HEATR5A: variants seen among roughly 807,000 people sequenced by gnomAD.
HEATR5A encodes the protein HEAT repeat-containing protein 5A.
A neutral mutation model predicts 218.8 loss-of-function variants in HEATR5A; 178 were observed. The observed-to-expected ratio is 0.81, with a 90% confidence interval of 0.72 to 0.92. HEATR5A has a LOEUF of 0.92. HEATR5A is among the 40% of genes least tolerant of loss of function. The probability of loss-of-function intolerance (pLI) is 0.00; values close to 1 mark genes in which losing one functional copy is unlikely to be tolerated. For missense variants in HEATR5A, 2,420 were observed against 2,418.9 expected (o/e 1.00, Z -0.01); for synonymous variants, 864 against 871.6 (o/e 0.99, Z 0.15).
intron 13 of HEATR5A, among the ~76,000 whole-genome samples, chr14:31,368,157 G>T (rs542406472): frequency 6.6e-6 from 1 of 152,044 alleles, no homozygotes; most frequent in Non-Finnish European, 1.5e-5. Context: ...AGGGCTTCAC[G>T]GAGGGAGTTT....
chr14:31,316,733 C>A (rs986692164), intron 26 of HEATR5A, among the ~76,000 whole-genome samples: 3 of 152,200 alleles, frequency 2.0e-5, no homozygotes, highest in African/African-American at 7.2e-5. Context: ...TGCTCTGTAG[C>A]CCAGGCTGGA....
intron 1 of HEATR5A, among the ~76,000 whole-genome samples, chr14:31,404,290 A>G (rs538355527): frequency 4.6e-5 from 7 of 152,352 alleles, no homozygotes; most frequent in Non-Finnish European, 1.0e-4. Context: ...ATAAAATGCT[A>G]TGGCTAATTT....
intron 14 of HEATR5A, among the ~76,000 whole-genome samples, chr14:31,363,008 G>T (rs1235122462): frequency 1.3e-5 from 2 of 151,852 alleles, no homozygotes; most frequent in Non-Finnish European, 2.9e-5. Flanking sequence ...AGGCTGAGGA[G>T]GATGGATCAT....
At chr14:31,320,915 T>C (rs1566752972) in intron 25 of HEATR5A, among the ~76,000 whole-genome samples, 2 of 152,130 alleles carry the variant, frequency 1.3e-5, no homozygotes. Context: ...TTGCTTTTAC[T>C]TGAAGCTTTA....
intron 13 of HEATR5A, among the ~76,000 whole-genome samples, chr14:31,371,119 C>T (rs1248049829): frequency 6.6e-6 from 1 of 151,638 alleles, no homozygotes; most frequent in African/African-American, 2.4e-5. Context: ...CATTCATTCA[C>T]CTATTATCCG....
chr14:31,309,660 C>T (rs756443431), intron 28 of HEATR5A, among the ~76,000 whole-genome samples: 2 of 152,066 alleles, frequency 1.3e-5, no homozygotes, highest in Admixed American at 6.6e-5. Flanking sequence ...AATACCAATA[C>T]CCATTTACCG....
At chr14:31,392,957 C>A (rs2030508400) in intron 6 of HEATR5A, among the ~76,000 whole-genome samples, 1 of 152,144 alleles carries the variant, frequency 6.6e-6, no homozygotes, top group South Asian at 2.1e-4. Context: ...TACTGCTCCA[C>A]CCTGGGTGGC....
chr14:31,313,171 T>C lies in HEATR5A; in HGVS notation c.4238A>G (p.Gln1413Arg), dbSNP rs1899810953. 2 of 1,613,192 alleles carry C rather than the reference T, an allele frequency of 1.2e-6. No homozygotes were observed. Among genetic ancestry groups the C allele is most frequent in the East Asian group, 2.2e-5 (1 of 44,872 alleles). The change falls in exon 28 of 36, where the codon CAA becomes CGA. Residue 1413 changes from glutamine (Q) to arginine (R), a missense_variant. Gln to Arg is a conservative substitution (Grantham distance 43). Transcript: ENST00000543095. ...AGGTTGTCTGTGGTTTTTATGTCTT[T>C]GCACAGCAATTATGTAGACCTGTTA... ...AWAEVYIIAV[Q>R]RHKNHRQPLK...
chr14:31,318,686 C>T (rs951024301), intron 25 of HEATR5A, among the ~76,000 whole-genome samples: 1 of 152,150 alleles, frequency 6.6e-6, no homozygotes, highest in African/African-American at 2.4e-5. Context: ...GACAGGGTTT[C>T]ACTATGTTGG....
At chr14:31,363,449 T>G (rs938496265) in intron 14 of HEATR5A, among the ~76,000 whole-genome samples, 2 of 152,134 alleles carry the variant, frequency 1.3e-5, no homozygotes, top group African/African-American at 4.8e-5. Context: ...CTATGATTGT[T>G]AAGTCTCTAA....
At chr14:31,396,387 T>G (rs189726700) in intron 4 of HEATR5A, among the ~76,000 whole-genome samples, 1 of 151,432 alleles carries the variant, frequency 6.6e-6, no homozygotes, top group Non-Finnish European at 1.5e-5. Flanking sequence ...GAGGGTGCAG[T>G]GAGTACAGAC....
At chr14:31,294,185 T>C in intron 34 of HEATR5A, 81 bp from the exon 35 acceptor site, 3 of 873,448 alleles carry the variant, frequency 3.4e-6, no homozygotes, top group Non-Finnish European at 3.5e-6. Flanking sequence ...CTTTTTAAAG[T>C]AGTGAAGGTA....
chr14:31,377,985 A>G (rs1902292878), intron 11 of HEATR5A, among the ~76,000 whole-genome samples: 1 of 152,208 alleles, frequency 6.6e-6, no homozygotes, highest in Non-Finnish European at 1.5e-5. Context: ...CTCCAACACA[A>G]TTAGCTTGTT....
intron 22 of HEATR5A, among the ~76,000 whole-genome samples, chr14:31,336,077 T>G (rs1444630266): frequency 2.0e-5 from 3 of 150,704 alleles, no homozygotes; most frequent in Admixed American, 6.6e-5. Flanking sequence ...GCTCAAGCAA[T>G]TCTCTTCTCT....
intron 33 of HEATR5A, chr14:31,297,663 T>C (rs1199380321): frequency 1.3e-5 from 2 of 152,002 alleles, no homozygotes; most frequent in East Asian, 3.8e-4. Flanking sequence ...ATCTGAGTGA[T>C]TTTAAGGTAA....
chr14:31,354,758 A>G (rs1267107111), intron 16 of HEATR5A, among the ~76,000 whole-genome samples: 1 of 152,208 alleles, frequency 6.6e-6, no homozygotes, highest in Non-Finnish European at 1.5e-5. Context: ...CCCTTTAGAC[A>G]GGGGGTACAC....
intron 27 of HEATR5A, 135 bp from the exon 28 acceptor site, chr14:31,313,325 G>T (rs1313595850): frequency 1.1e-5 from 7 of 658,910 alleles, no homozygotes; most frequent in African/African-American, 3.6e-5. Context: ...TATCAAGAAG[G>T]CCTGTCTGTG....
intron 7 of HEATR5A, 150 bp from the exon 8 acceptor site, chr14:31,387,525 G>A: frequency 1.4e-6 from 1 of 700,930 alleles, no homozygotes; most frequent in Non-Finnish European, 2.3e-6. Flanking sequence ...TACAAACATA[G>A]CACCATTTTG....
chr14:31,334,639 T>C (rs777107916), intron 22 of HEATR5A, among the ~76,000 whole-genome samples: 2 of 152,228 alleles, frequency 1.3e-5, no homozygotes, highest in East Asian at 1.9e-4. Flanking sequence ...GCAAACTTCA[T>C]TGCTGTCTTA....
Sources: gnomAD v4.1 joint callset for allele counts (sites outside exome capture counted in the v4.1 genomes callset) on GRCh38, gnomAD v4.1.1 for gene constraint, MANE v1.5 for transcripts, NCBI Gene and HGNC (gene_info 2026-07-23, HGNC 2026-07-21) for gene names.